The following CLASP2 variants were observed in gnomAD, a reference collection of about 807,000 sequenced individuals.
The protein encoded by CLASP2 is CLIP-associating protein 2.
CLASP2 carries 47 observed loss-of-function variants against 194.4 expected under a neutral mutation model. That is an observed-to-expected ratio of 0.24 (90% confidence interval 0.19 to 0.31). The LOEUF is 0.31. Ranked by LOEUF, CLASP2 falls within the 10% of genes least tolerant of loss-of-function variation. CLASP2 has a pLI of 1.00. For missense variants in CLASP2, 1,445 were observed against 1,823.6 expected, an observed-to-expected ratio of 0.79 and a Z score of 3.78; for synonymous variants, 619 against 633.5, an observed-to-expected ratio of 0.98 and a Z score of 0.34.
chr3:33,611,673 A>G (rs2075210648), intron 13 of CLASP2, among the ~76,000 whole-genome samples: 1 of 152,172 alleles, frequency 6.6e-6, no homozygotes, highest in Non-Finnish European at 1.5e-5. Flanking sequence ...GCAGTTAAAT[A>G]ATTGCCTAAG....
At chr3:33,661,192 A>G (rs954327700) in intron 7 of CLASP2, among the ~76,000 whole-genome samples, 3 of 152,194 alleles carry the variant, frequency 2.0e-5, no homozygotes, top group Admixed American at 6.5e-5. Context: ...AGGAGTAGTT[A>G]TATTTCCTCC....
At chr3:33,594,222 A>G (rs2069592103) in intron 20 of CLASP2, among the ~76,000 whole-genome samples, 4 of 152,206 alleles carry the variant, frequency 2.6e-5, no homozygotes, top group Admixed American at 2.6e-4. Context: ...AGTAAATATG[A>G]GACCAAATAA....
chr3:33,708,442 T>G (rs1229034788), intron 1 of CLASP2, among the ~76,000 whole-genome samples: 1 of 148,930 alleles, frequency 6.7e-6, no homozygotes, highest in Non-Finnish European at 1.5e-5. Context: ...TAATATTCCT[T>G]TGTGTGTGTG....
chr3:33,656,363 T>A (rs569979816), intron 7 of CLASP2, among the ~76,000 whole-genome samples: 5 of 152,266 alleles, frequency 3.3e-5, no homozygotes, highest in Admixed American at 6.5e-5. Context: ...CTGAAAGGCA[T>A]CTACAGAGAA....
chr3:33,662,966 A>G (rs2154333119), intron 7 of CLASP2, among the ~76,000 whole-genome samples: 1 of 152,192 alleles, frequency 6.6e-6, no homozygotes, highest in Middle Eastern at 3.4e-3. Flanking sequence ...GCCTGAGGTG[A>G]TTATGCTAGT....
At chr3:33,596,049 A>G (rs562409099) in intron 19 of CLASP2, among the ~76,000 whole-genome samples, 3 of 152,146 alleles carry the variant, frequency 2.0e-5, no homozygotes, top group African/African-American at 7.2e-5. Context: ...TATTTAAAAA[A>G]GGTCAAGCTC....
At chr3:33,552,370 G>A (rs1167424478) in intron 29 of CLASP2, among the ~76,000 whole-genome samples, 1 of 152,132 alleles carries the variant, frequency 6.6e-6, no homozygotes, top group Non-Finnish European at 1.5e-5. Context: ...GCCTGCCTCA[G>A]TCTCCCGAAG....
At chr3:33,566,919 A>C (rs1560065008) in intron 26 of CLASP2, among the ~76,000 whole-genome samples, 185 bp from the exon 27 acceptor site, 1 of 152,264 alleles carries the variant, frequency 6.6e-6, no homozygotes, top group Non-Finnish European at 1.5e-5. Flanking sequence ...AACAAGACTT[A>C]AATGAATAGT....
Position 33,608,692 on chromosome 3 carries a change from T to C in CLASP2, c.1389-66A>G, listed in dbSNP as rs889907379. ...AGAAATACATTAACACTTTCTTTTATACTACTACACTTTGCCCCCTAAATT... is the reference window on the plus strand; with the variant it reads ...AGAAATACATTAACACTTTCTTTTACACTACTACACTTTGCCCCCTAAATT... On this transcript the variant is annotated intron_variant, in intron 13 of 38. Transcript: ENST00000682230. 10 of 994,354 alleles carry C rather than the reference T, an allele frequency of 1.0e-5. No homozygotes were observed. The East Asian group carries it at 1.1e-4, about 11-fold the overall frequency. The allele number at this position is 994,354 out of a possible 1,614,324, so 61.6% of individuals were successfully genotyped here.
At chr3:33,574,578 A>T in intron 24 of CLASP2, 4 of 729,302 alleles carry the variant, frequency 5.5e-6, no homozygotes, top group Non-Finnish European at 9.1e-6. Flanking sequence ...ATAGGCATTA[A>T]CAATGCCTAT....
chr3:33,565,929 G>A (rs1158143679), intron 27 of CLASP2, among the ~76,000 whole-genome samples: 1 of 151,986 alleles, frequency 6.6e-6, no homozygotes. Context: ...TTATGTTTTG[G>A]GGAGTTAAAA....
At chr3:33,714,957 C>A (rs2093221669) in intron 1 of CLASP2, among the ~76,000 whole-genome samples, 1 of 152,166 alleles carries the variant, frequency 6.6e-6, no homozygotes, top group Non-Finnish European at 1.5e-5. Context: ...TTATACCTGC[C>A]CAGTTACTGC....
At position 33,658,881 on chromosome 3, in the gene CLASP2, T is replaced by C. The variant is rs927593794; in HGVS notation, c.715+4564A>G. ...AAACACACAAGTGTCCTTCATTCTT[T>C]AGGGAGAAATATATTTCTTACACAG... On this transcript the variant is annotated intron_variant, in intron 7 of 38. Coordinates refer to ENST00000682230, the MANE Select transcript of CLASP2 (RefSeq NM_001365631.1). 6.0e-6 allele frequency: 7 copies of C among 1,169,466 alleles called. No homozygotes were observed. In the African/African-American group the frequency reaches 1.1e-4, roughly 18 times the overall value. The allele number at this position is 1,169,466 out of a possible 1,614,324, so 72.4% of individuals were successfully genotyped here.
intron 1 of CLASP2, 69 bp downstream of exon 1, chr3:33,717,739 C>T: frequency 6.7e-7 from 1 of 1,488,618 alleles, no homozygotes; most frequent in South Asian, 1.2e-5. Flanking sequence ...CCCGGCCCGG[C>T]GCTCGCGTCC....
chr3:33,648,265 A>G (rs1373497022), intron 7 of CLASP2, among the ~76,000 whole-genome samples: 1 of 152,178 alleles, frequency 6.6e-6, no homozygotes, highest in African/African-American at 2.4e-5. Context: ...AATGAGATAT[A>G]TTTTTACCTA....
At position 33,606,752 on chromosome 3, in the gene CLASP2, G is replaced by A. The variant is rs2073936688; in HGVS notation, c.1533C>T (p.Tyr511=). Residue 511 remains tyrosine (Y), a synonymous_variant, in exon 16 of 39, where the codon TAC becomes TAT. Transcript: ENST00000682230. ...AEARVEARKT[Y]MGLRNHFPGE... ...CAGGAAAGTGGTTTCTAAGACCCATGTATGTCCTGTTAAAAAAAAAGAAAA... is the reference window on the plus strand; with the variant it reads ...CAGGAAAGTGGTTTCTAAGACCCATATATGTCCTGTTAAAAAAAAAGAAAA... 1 of 1,595,436 alleles carries A rather than the reference G, an allele frequency of 6.3e-7. No homozygotes were observed. The highest frequency in any genetic ancestry group is 2.2e-5 in the East Asian group (1 of 44,788).
intron 12 of CLASP2, among the ~76,000 whole-genome samples, chr3:33,614,587 G>C (rs1012976007): frequency 2.6e-5 from 4 of 152,174 alleles, no homozygotes; most frequent in Non-Finnish European, 5.9e-5. Context: ...CCTAAAGGTT[G>C]CTTGGTAGTG....
intron 23 of CLASP2, among the ~76,000 whole-genome samples, chr3:33,580,831 C>T (rs1242180104): frequency 3.3e-5 from 5 of 151,660 alleles, no homozygotes; most frequent in Non-Finnish European, 5.9e-5. Flanking sequence ...CTGGCTAACA[C>T]GGTGAAACAC....
intron 12 of CLASP2, 123 bp downstream of exon 12, chr3:33,619,480 A>C: frequency 1.1e-6 from 1 of 874,504 alleles, no homozygotes; most frequent in Non-Finnish European, 1.7e-6. Flanking sequence ...GGGTTCAAAA[A>C]GAAACTCCAT....
Sources: allele counts gnomAD v4.1 joint callset (sites outside exome capture counted in the v4.1 genomes callset), GRCh38; gene constraint gnomAD v4.1.1; transcripts MANE v1.5; gene names NCBI Gene and HGNC (gene_info 2026-07-23, HGNC 2026-07-21).